Variants in CHRM2 observed in about 807,000 individuals in gnomAD.
The protein encoded by CHRM2 is muscarinic acetylcholine receptor M2.
CHRM2 carries 8 observed loss-of-function variants against 25.0 expected under a neutral mutation model. That is an observed-to-expected ratio of 0.32 (90% CI 0.19 to 0.58). CHRM2 has a LOEUF of 0.58. CHRM2 is among the 20% of genes least tolerant of loss of function. CHRM2 has a pLI of 0.88. For synonymous variants in CHRM2, 202 were observed against 205.7 expected (o/e 0.98, Z 0.15); for missense variants, 440 against 567.1 (o/e 0.78, Z 2.28).
Position 136,972,268 on chromosome 7 carries a change from C to G in CHRM2, c.-124-19919C>G, listed in dbSNP as rs1801828031. On this transcript the variant is annotated intron_variant, in intron 2 of 3. Transcript: ENST00000680005. Reference sequence around the variant, plus strand: ...ATCCTTATTTATTTCTTAAAAGTCTCTTTGACCCTTCTACCTTGAGGGAAA... The same window carrying G: ...ATCCTTATTTATTTCTTAAAAGTCTGTTTGACCCTTCTACCTTGAGGGAAA... 2.0e-5 allele frequency among the ~76,000 whole-genome samples: 3 copies of G among 152,126 alleles called. No individual in the cohort carries two copies. In the South Asian group the frequency reaches 6.2e-4, roughly 31 times the overall value.
intron 2 of CHRM2, among the ~76,000 whole-genome samples, chr7:136,900,344 T>C (rs1797128830): frequency 6.6e-6 from 1 of 152,080 alleles, no homozygotes; most frequent in Non-Finnish European, 1.5e-5. Flanking sequence ...TATACTACAT[T>C]ACTAGACTTA....
intron 2 of CHRM2, among the ~76,000 whole-genome samples, chr7:136,911,086 T>A (rs1797818618): frequency 6.6e-6 from 1 of 151,938 alleles, no homozygotes. Context: ...CCTTACTGTA[T>A]AATGATCCTA....
intron 2 of CHRM2, among the ~76,000 whole-genome samples, chr7:136,991,471 T>C (rs1299369913): frequency 6.6e-6 from 1 of 152,144 alleles, no homozygotes. Context: ...CTGAGCTCTC[T>C]ATTATGTTCC....
In CHRM2 at chr7:137,018,976, G is replaced by A. The variant is rs775555304; in HGVS notation, c.*2710G>A. The A allele has an allele frequency of 1.3e-5, 2 of 151,866 alleles. No homozygotes were observed. The highest frequency in any genetic ancestry group is 6.6e-5 in the Admixed American group (1 of 15,194). 9.4% of individuals were successfully genotyped at this position (151,866 alleles called of 1,614,324 possible). The stretch of plus-strand genomic sequence containing the variant: ...TTAGCAATGTGTAAAGACATTTTTG[G>A]TTGCCACACTGGGAGGAATGCTATT... On this transcript the variant is annotated 3_prime_UTR_variant, in exon 4 of 4. Transcript: ENST00000680005.
intron 2 of CHRM2, among the ~76,000 whole-genome samples, chr7:136,926,395 T>C (rs1443791803): frequency 6.6e-6 from 1 of 152,196 alleles, no homozygotes; most frequent in Admixed American, 6.5e-5. Flanking sequence ...GGTAGAATCA[T>C]AAACATTTTG....
At chr7:136,938,689 A>G in intron 2 of CHRM2, 1 of 771,736 alleles carries the variant, frequency 1.3e-6, no homozygotes, top group South Asian at 1.4e-5. Context: ...CCCAGGGGCC[A>G]GAGGTGGACA....
At chr7:136,926,121 C>T (rs1440777462) in intron 2 of CHRM2, among the ~76,000 whole-genome samples, 1 of 152,096 alleles carries the variant, frequency 6.6e-6, no homozygotes, top group Non-Finnish European at 1.5e-5. Flanking sequence ...GCCTACAGTC[C>T]CAGCTATCTG....
chr7:136,980,849 T>G (rs1263643379), intron 2 of CHRM2, among the ~76,000 whole-genome samples: 1 of 152,194 alleles, frequency 6.6e-6, no homozygotes, highest in African/African-American at 2.4e-5. Context: ...TTTGCCAGTA[T>G]TTTACTGAGG....
intron 2 of CHRM2, among the ~76,000 whole-genome samples, chr7:136,872,555 T>C (rs907801255): frequency 6.6e-6 from 1 of 152,102 alleles, no homozygotes; most frequent in Non-Finnish European, 1.5e-5. Context: ...CAATTCCAAT[T>C]CCAGAGCAGC....
chr7:136,943,363 CAACTT>C (rs1267667190), intron 2 of CHRM2, among the ~76,000 whole-genome samples: 2 of 152,150 alleles, frequency 1.3e-5, no homozygotes. Context: ...CTGGTGGAAA[CAACTT>C]AGCTTACAAC....
At chr7:136,915,020 C>G (rs1445865783) in intron 2 of CHRM2, among the ~76,000 whole-genome samples, 1 of 151,748 alleles carries the variant, frequency 6.6e-6, no homozygotes, top group Non-Finnish European at 1.5e-5. Flanking sequence ...AGTGTCAGCC[C>G]TATATGAAGA....
At chr7:136,919,786 C>T (rs1296910920) in intron 2 of CHRM2, among the ~76,000 whole-genome samples, 3 of 152,116 alleles carry the variant, frequency 2.0e-5, no homozygotes, top group Non-Finnish European at 4.4e-5. Context: ...TGTTTCACAT[C>T]CTGCACTAAG....
chr7:137,015,345 C>A lies in CHRM2; in HGVS notation c.480C>A (p.Leu160=). Residue 160 remains leucine, a synonymous_variant, in exon 4 of 4, where the codon CTC becomes CTA. Transcript: ENST00000680005. This position sits in a 1 kb window ranked among gnomAD's most constrained non-coding sequence, Gnocchi z 5.1. ...TCATCCTCTGGGCTCCAGCCATTCT[C>A]TTCTGGCAGTTCATTGTAGGGGTGA... The part of the protein sequence containing the change: ...LSFILWAPAI[L]FWQFIVGVRT... 6.2e-7 allele frequency: 1 copy of A among 1,613,454 alleles called. No homozygotes were observed. The highest frequency in any genetic ancestry group is 8.5e-7 in the Non-Finnish European group (1 of 1,179,640).
chr7:136,882,400 C>T (rs1796301054), intron 2 of CHRM2, among the ~76,000 whole-genome samples: 1 of 151,412 alleles, frequency 6.6e-6, no homozygotes, highest in Non-Finnish European at 1.5e-5. Flanking sequence ...TTCTCCTCCT[C>T]CCCCTCTTCA....
intron 2 of CHRM2, among the ~76,000 whole-genome samples, chr7:136,988,667 GATA>G (rs1364788914): frequency 5.3e-5 from 8 of 151,994 alleles, no homozygotes; most frequent in African/African-American, 1.9e-4. Flanking sequence ...TAATTTACTG[GATA>G]ATAAGTTCAA....
Position 136,974,767 on chromosome 7 carries a change from G to T in CHRM2, c.-124-17420G>T, listed in dbSNP as rs184848819. The stretch of plus-strand genomic sequence containing the variant: ...ATTCTCTGTTAAATAATTTTCAAGA[G>T]AAGAATTATATATTTAAATCCGTAA... On this transcript the variant is annotated intron_variant, in intron 2 of 3. Coordinates refer to ENST00000680005, the MANE Select transcript of CHRM2 (RefSeq NM_001006630.2). 1.4e-3 allele frequency among the ~76,000 whole-genome samples: 213 copies of T among 152,250 alleles called. 1 individual carries two copies. Among genetic ancestry groups the T allele is most frequent in the Non-Finnish European group, 2.3e-3 (154 of 68,022 alleles).
intron 3 of CHRM2, among the ~76,000 whole-genome samples, chr7:137,008,887 G>A (rs535376634): frequency 2.6e-5 from 4 of 151,874 alleles, no homozygotes; most frequent in Non-Finnish European, 5.9e-5. Context: ...TTTTTAATGG[G>A]GCAGGTTTTA....
intron 3 of CHRM2, among the ~76,000 whole-genome samples, chr7:136,998,080 T>A (rs1803723139): frequency 6.6e-6 from 1 of 152,212 alleles, no homozygotes; most frequent in South Asian, 2.1e-4. Flanking sequence ...TTCTCTAATA[T>A]ATGATCTCTT....
intron 2 of CHRM2, among the ~76,000 whole-genome samples, chr7:136,974,832 G>A (rs1305597149): frequency 6.6e-6 from 1 of 152,202 alleles, no homozygotes; most frequent in Non-Finnish European, 1.5e-5. Context: ...CAAGATAAAT[G>A]TGAGCGAATG....
Sources: allele counts gnomAD v4.1 joint callset (sites outside exome capture counted in the v4.1 genomes callset), GRCh38; gene constraint gnomAD v4.1.1; non-coding constraint Gnocchi (gnomAD v3.1); transcripts MANE v1.5; gene names NCBI Gene and HGNC (gene_info 2026-07-23, HGNC 2026-07-21).